The following WFDC1 variants were observed in gnomAD, a reference collection of about 807,000 sequenced individuals.
WFDC1 encodes WAP four-disulfide core domain protein 1.
WFDC1 carries 39 observed loss-of-function variants against 32.9 expected under a neutral mutation model. That is an observed-to-expected ratio of 1.19 (90% CI 0.92 to 1.55). WFDC1 has a LOEUF of 1.55. WFDC1 is among the 40% of genes most tolerant of loss of function. The probability of loss-of-function intolerance (pLI) is 0.00; values close to 1 mark genes in which losing one functional copy is unlikely to be tolerated. For missense variants in WFDC1, 386 were observed against 309.5 expected (o/e 1.25, Z -1.85); for synonymous variants, 184 against 137.4 (o/e 1.34, Z -2.37).
intron 1 of WFDC1, among the ~76,000 whole-genome samples, chr16:84,302,967 T>C (rs899579333): frequency 6.6e-6 from 1 of 151,844 alleles, no homozygotes; most frequent in Non-Finnish European, 1.5e-5. Flanking sequence ...TGACTGACAA[T>C]GACATTGTTG....
chr16:84,326,786 T>A lies in WFDC1; in HGVS notation c.605-96T>A, dbSNP rs1007265860. 5.4e-6 allele frequency: 8 copies of A among 1,481,176 alleles called. No individual in the cohort carries two copies. The Admixed American group carries it at 1.0e-4, about 19-fold the overall frequency. The allele number at this position is 1,481,176 out of a possible 1,614,324, so 91.8% of individuals were successfully genotyped here. A position where few individuals can be genotyped will look rare whatever the true frequency, so the allele number is the denominator to read the frequency against. The stretch of plus-strand genomic sequence containing the variant: ...CTGGGGGAGGGAGGAGAGGGCCAGG[T>A]CACCAGGCTTCATTTGGCAGTTCCT... On this transcript the variant is annotated intron_variant, in intron 5 of 6. Transcript: ENST00000219454.
At chr16:84,299,667 C>G (rs1233523712) in intron 1 of WFDC1, among the ~76,000 whole-genome samples, 1 of 152,220 alleles carries the variant, frequency 6.6e-6, no homozygotes, top group South Asian at 2.1e-4. Flanking sequence ...AGCCACCATG[C>G]GGGCCTCGGT....
intron 1 of WFDC1, among the ~76,000 whole-genome samples, chr16:84,304,890 C>G (rs1347697028): frequency 1.3e-5 from 2 of 152,120 alleles, no homozygotes; most frequent in African/African-American, 4.8e-5. Flanking sequence ...AGAGGGAACA[C>G]TTTGGGAGGG....
chr16:84,304,883 G>C (rs1045076639), intron 1 of WFDC1, among the ~76,000 whole-genome samples: 1 of 152,220 alleles, frequency 6.6e-6, no homozygotes, highest in African/African-American at 2.4e-5. Flanking sequence ...GGAGGGCAGA[G>C]GGAACACTTT....
intron 5 of WFDC1, among the ~76,000 whole-genome samples, chr16:84,324,722 C>G (rs1263180336): frequency 6.6e-6 from 1 of 152,140 alleles, no homozygotes; most frequent in Non-Finnish European, 1.5e-5. Context: ...TACTTTCATT[C>G]AGAGAATTGG....
intron 1 of WFDC1, among the ~76,000 whole-genome samples, chr16:84,304,636 C>T (rs1907140529): frequency 1.3e-5 from 2 of 152,204 alleles, no homozygotes; most frequent in Non-Finnish European, 2.9e-5. Context: ...ACTGTACAAT[C>T]CCTGAGCAGG....
At chr16:84,325,077 C>A (rs1271404453) in intron 5 of WFDC1, among the ~76,000 whole-genome samples, 1 of 151,526 alleles carries the variant, frequency 6.6e-6, no homozygotes, top group Non-Finnish European at 1.5e-5. Context: ...TTATCCACCC[C>A]TTTATTCCTT....
At chr16:84,314,372 C>T (rs140495281) in intron 2 of WFDC1, among the ~76,000 whole-genome samples, 27 of 152,196 alleles carry the variant, frequency 1.8e-4, no homozygotes, top group African/African-American at 5.8e-4. Flanking sequence ...GTAGGATTTG[C>T]GGCAAGGAAG....
chr16:84,315,366 T>C (rs1373225504), intron 2 of WFDC1, among the ~76,000 whole-genome samples: 1 of 152,250 alleles, frequency 6.6e-6, no homozygotes, highest in African/African-American at 2.4e-5. Context: ...TCATTGACTG[T>C]TCTCTCCCCA....
intron 1 of WFDC1, among the ~76,000 whole-genome samples, chr16:84,298,455 C>A (rs1906739787): frequency 6.6e-6 from 1 of 152,192 alleles, no homozygotes; most frequent in Non-Finnish European, 1.5e-5. Context: ...TTTTGCTATT[C>A]TCTTGGCTCC....
At chr16:84,320,264 TTC>T (rs1358937569) in intron 4 of WFDC1, among the ~76,000 whole-genome samples, 2 of 152,254 alleles carry the variant, frequency 1.3e-5, no homozygotes, top group Admixed American at 6.5e-5. Flanking sequence ...AGGTATGGTG[TTC>T]AGTAGGTTAA....
intron 1 of WFDC1, among the ~76,000 whole-genome samples, chr16:84,303,404 A>G (rs1313907792): frequency 6.6e-6 from 1 of 151,608 alleles, no homozygotes; most frequent in East Asian, 1.9e-4. Context: ...AGCTCTGGAG[A>G]TTGGATTCTT....
At position 84,318,667 on chromosome 16, in the gene WFDC1, C is replaced by T. The variant is rs117185809; in HGVS notation, c.421+312C>T. On this transcript the variant is annotated intron_variant, in intron 3 of 6. Transcript: ENST00000219454. ...ATTCCTAGAATTCTAGGGGGTTCACCGCTCTCTAATGATGAAGCCTCCCTG... is the reference window on the plus strand; with the variant it reads ...ATTCCTAGAATTCTAGGGGGTTCACTGCTCTCTAATGATGAAGCCTCCCTG... The T allele has an allele frequency of 2.4e-3, 690 of 287,538 alleles. 2 individuals carry two copies. Among genetic ancestry groups the T allele is most frequent in the Non-Finnish European group, 3.1e-3 (443 of 144,064 alleles). 17.8% of individuals were successfully genotyped at this position (287,538 alleles called of 1,614,324 possible). A position where few individuals can be genotyped will look rare whatever the true frequency, so the allele number is the denominator to read the frequency against.
intron 1 of WFDC1, 118 bp downstream of exon 1, chr16:84,295,233 C>A (rs560855065): frequency 3.7e-6 from 5 of 1,341,688 alleles, no homozygotes; most frequent in Non-Finnish European, 3.0e-6. Flanking sequence ...CGTGGCAAGG[C>A]AGGCGTCTTC....
At chr16:84,307,540 T>C (rs919465155) in intron 1 of WFDC1, among the ~76,000 whole-genome samples, 2 of 152,162 alleles carry the variant, frequency 1.3e-5, no homozygotes, top group Admixed American at 6.5e-5. Flanking sequence ...ACAGCTCAAA[T>C]TGATCTCTGC....
At chr16:84,297,990 G>A (rs573983514) in intron 1 of WFDC1, among the ~76,000 whole-genome samples, 1 of 152,298 alleles carries the variant, frequency 6.6e-6, no homozygotes, top group Non-Finnish European at 1.5e-5. Flanking sequence ...CAAGGGCTAT[G>A]GGCTCGTCAG....
At chr16:84,300,989 A>G (rs1025634539) in intron 1 of WFDC1, among the ~76,000 whole-genome samples, 5 of 152,094 alleles carry the variant, frequency 3.3e-5, no homozygotes, top group Middle Eastern at 3.4e-3. Flanking sequence ...AAAAAAAGGA[A>G]AAGGAGAAGA....
intron 6 of WFDC1, chr16:84,327,310 C>G (rs1275429054): frequency 1.3e-5 from 3 of 223,238 alleles, no homozygotes; most frequent in African/African-American, 2.3e-5. Flanking sequence ...CCTGCCTCAG[C>G]TTTAGTCTCA....
At chr16:84,327,254 A>G in intron 6 of WFDC1, 1 of 339,934 alleles carries the variant, frequency 2.9e-6, no homozygotes, top group South Asian at 3.8e-5. Context: ...GCACTGGCAC[A>G]ATCATTGTTC....
Sources: gnomAD v4.1 joint callset for allele counts (sites outside exome capture counted in the v4.1 genomes callset) on GRCh38, gnomAD v4.1.1 for gene constraint, MANE v1.5 for transcripts, NCBI Gene and HGNC (gene_info 2026-07-23, HGNC 2026-07-21) for gene names.